Variants in PLGRKT observed in about 807,000 individuals in gnomAD.
The protein encoded by PLGRKT is plasminogen receptor (KT).
PLGRKT carries 22 observed loss-of-function variants against 18.5 expected under a neutral mutation model. The observed-to-expected ratio is 1.19, with a 90% confidence interval of 0.85 to 1.70. The LOEUF (loss-of-function observed/expected upper bound fraction) is 1.70, where lower values mean the gene tolerates loss of function less well. Among genes scored for constraint, PLGRKT ranks in the 40% most tolerant of loss-of-function variants. The pLI, the probability that PLGRKT is intolerant of heterozygous loss-of-function variation, is 0.00. For synonymous variants in PLGRKT, 72 were observed against 52.8 expected (o/e 1.36, Z -1.58); for missense variants, 235 against 174.4 (o/e 1.35, Z -1.96).
At chr9:5,431,403 G>A (rs1818820208) in intron 3 of PLGRKT, among the ~76,000 whole-genome samples, 1 of 151,966 alleles carries the variant, frequency 6.6e-6, no homozygotes, top group Non-Finnish European at 1.5e-5. Context: ...GAGTGGTGGT[G>A]CATGCCTGCA....
intron 3 of PLGRKT, among the ~76,000 whole-genome samples, chr9:5,385,546 A>T (rs1235562523): frequency 6.6e-6 from 1 of 151,652 alleles, no homozygotes; most frequent in Non-Finnish European, 1.5e-5. Flanking sequence ...TGATCCCCTG[A>T]CCATTTTTCA....
chr9:5,375,909 T>C (rs549006135), intron 3 of PLGRKT, among the ~76,000 whole-genome samples: 5 of 152,300 alleles, frequency 3.3e-5, no homozygotes, highest in South Asian at 4.1e-4. Context: ...CCTCCATTCA[T>C]AGCAGCATTA....
intron 3 of PLGRKT, among the ~76,000 whole-genome samples, chr9:5,374,535 A>G (rs1220140192): frequency 6.6e-6 from 1 of 152,146 alleles, no homozygotes; most frequent in African/African-American, 2.4e-5. Flanking sequence ...TCACTTCTCC[A>G]CACCTTTTTG....
intron 3 of PLGRKT, among the ~76,000 whole-genome samples, chr9:5,370,529 T>C (rs1817493861): frequency 6.6e-6 from 1 of 152,214 alleles, no homozygotes; most frequent in Admixed American, 6.5e-5. Context: ...TATGTTTTAG[T>C]TTCCAATGAC....
intron 3 of PLGRKT, chr9:5,381,949 C>T: frequency 1.0e-6 from 1 of 985,098 alleles, no homozygotes; most frequent in Non-Finnish European, 1.2e-6. Flanking sequence ...GGCCTCCATG[C>T]CTGAGCCAGC....
chr9:5,418,824 G>A lies in PLGRKT; in HGVS notation c.81+13073C>T, dbSNP rs2131156521. 1.0e-6 allele frequency: 1 copy of A among 1,001,814 alleles called. No homozygotes were observed. The highest frequency in any genetic ancestry group is 2.5e-5 in the East Asian group (1 of 39,960). 62.1% of individuals were successfully genotyped at this position (1,001,814 alleles called of 1,614,324 possible). A position where few individuals can be genotyped will look rare whatever the true frequency, so the allele number is the denominator to read the frequency against. On this transcript the variant is annotated intron_variant, in intron 3 of 5. Coordinates refer to ENST00000223864, the MANE Select transcript of PLGRKT (RefSeq NM_018465.4). The surrounding 1 kb of genome is among the most constrained non-coding windows in gnomAD (Gnocchi z 4.2). ...GCAGCTTGGTGACACCGCTGCACCA[G>A]GGGCATCGCACATCCTTCTGGCTGG...
intron 2 of PLGRKT, among the ~76,000 whole-genome samples, chr9:5,435,336 A>AAAAAAG (rs1474253898): frequency 2.0e-5 from 3 of 150,312 alleles, no homozygotes; most frequent in African/African-American, 7.4e-5. Flanking sequence ...AAAAAAAAAA[A>AAAAAAG]AAGAAGAAGA....
chr9:5,396,332 C>A (rs1818047875), intron 3 of PLGRKT, among the ~76,000 whole-genome samples: 1 of 151,820 alleles, frequency 6.6e-6, no homozygotes, highest in Non-Finnish European at 1.5e-5. Context: ...GTAGCCCAGG[C>A]TGGAGTACAA....
At chr9:5,387,928 T>C (rs530000217) in intron 3 of PLGRKT, among the ~76,000 whole-genome samples, 1 of 151,588 alleles carries the variant, frequency 6.6e-6, no homozygotes, top group Non-Finnish European at 1.5e-5. Flanking sequence ...TGAGAAGTGG[T>C]TGGATTCTAG....
At chr9:5,367,030 T>TACACACACACAC (rs56259718) in intron 3 of PLGRKT, among the ~76,000 whole-genome samples, 34 of 112,388 alleles carry the variant, frequency 3.0e-4, no homozygotes, top group African/African-American at 9.8e-4. Context: ...TACACACACA[T>TACACACACACAC]ACACACACAC....
intron 2 of PLGRKT, among the ~76,000 whole-genome samples, chr9:5,435,082 T>C (rs1054770363): frequency 6.6e-6 from 1 of 151,752 alleles, no homozygotes; most frequent in African/African-American, 2.4e-5. Context: ...TTAAGGGTGG[T>C]GCAAGATGTG....
At chr9:5,413,515 CAGAATT>C (rs1450508230) in intron 3 of PLGRKT, among the ~76,000 whole-genome samples, 4 of 152,102 alleles carry the variant, frequency 2.6e-5, no homozygotes, top group Non-Finnish European at 5.9e-5. Context: ...GCAAGAGAGT[CAGAATT>C]AGAGAGAAAT....
Position 5,394,206 on chromosome 9 carries a change from G to A in PLGRKT, c.82-32318C>T, listed in dbSNP as rs114484358. ...TGACTAAGATTTATTTAATTCCTGG[G>A]AAACAAAAGCAGGAAGCCTACATGA... On this transcript the variant is annotated intron_variant, in intron 3 of 5. Transcript: ENST00000223864. 4.2e-3 allele frequency among the ~76,000 whole-genome samples: 643 copies of A among 151,874 alleles called. 18 individuals are homozygous for A. The highest frequency in any genetic ancestry group is 0.015 in the African/African-American group (624 of 41,216).
chr9:5,407,110 T>C (rs977998289), intron 3 of PLGRKT, among the ~76,000 whole-genome samples: 1 of 152,208 alleles, frequency 6.6e-6, no homozygotes, highest in Admixed American at 6.5e-5. Flanking sequence ...TTAATATTTT[T>C]ACTTTGGAGT....
chr9:5,392,911 G>A lies in PLGRKT; in HGVS notation c.82-31023C>T, dbSNP rs193229153. On this transcript the variant is annotated intron_variant, in intron 3 of 5. Coordinates refer to ENST00000223864, the MANE Select transcript of PLGRKT (RefSeq NM_018465.4). ...GGCTGGAGTGCAGTGGTGCAGTCTC[G>A]GCTCACTGCAACCTCCACCTCCCAG... Among the ~76,000 whole-genome samples the A allele has an allele frequency of 6.0e-4, 91 of 151,398 alleles. 4 individuals are homozygous for A. The highest frequency in any genetic ancestry group is 3.4e-3 in the Middle Eastern group (1 of 294).
intron 3 of PLGRKT, among the ~76,000 whole-genome samples, chr9:5,397,584 G>T (rs1475296221): frequency 6.6e-6 from 1 of 151,660 alleles, no homozygotes; most frequent in East Asian, 1.9e-4. Flanking sequence ...GATGGAGGGT[G>T]GGGGAAAGAA....
rs878951696 is a variant in PLGRKT, at chr9:5,433,557, T to C, written c.-6-1574A>G. Among the ~76,000 whole-genome samples, 276 of 96,664 alleles carry C rather than the reference T, an allele frequency of 2.9e-3. No homozygotes were observed. In the Middle Eastern group the frequency reaches 0.043, roughly 15 times the overall value. 63.4% of individuals were successfully genotyped at this position (96,664 alleles called of 152,430 possible). On this transcript the variant is annotated intron_variant, in intron 2 of 5. Coordinates refer to ENST00000223864, the MANE Select transcript of PLGRKT (RefSeq NM_018465.4). ...GCCGCCCCGTCTGGGATGTGAGGAG[T>C]GCCTCTGCCCGGCTGCCCCGTCTGG...
chr9:5,390,164 C>T lies in PLGRKT; in HGVS notation c.82-28276G>A, dbSNP rs181163493. Reference sequence around the variant, plus strand: ...ATTTTTGCTTAAAATACCAGCAATTCTCAACTCTGTGACTAATTCAGTTCT... The same window carrying T: ...ATTTTTGCTTAAAATACCAGCAATTTTCAACTCTGTGACTAATTCAGTTCT... On this transcript the variant is annotated intron_variant, in intron 3 of 5. Coordinates refer to ENST00000223864, the MANE Select transcript of PLGRKT (RefSeq NM_018465.4). Among the ~76,000 whole-genome samples, 30 of 151,642 alleles carry T rather than the reference C, an allele frequency of 2.0e-4. 1 individual carries two copies. The highest frequency in any genetic ancestry group is 1.6e-3 in the Admixed American group (25 of 15,242).
intron 3 of PLGRKT, among the ~76,000 whole-genome samples, chr9:5,423,990 AAT>A (rs1271227650): frequency 7.3e-6 from 1 of 137,792 alleles, no homozygotes; most frequent in Non-Finnish European, 1.5e-5. Flanking sequence ...TGTAATATGT[AAT>A]ATATATGTAT....
Sources: gnomAD v4.1 joint callset for allele counts (sites outside exome capture counted in the v4.1 genomes callset) on GRCh38, gnomAD v4.1.1 for gene constraint, Gnocchi (gnomAD v3.1) non-coding constraint, MANE v1.5 for transcripts, NCBI Gene and HGNC (gene_info 2026-07-23, HGNC 2026-07-21) for gene names.